The following SUPT5H variants were observed in gnomAD, a reference collection of about 807,000 sequenced individuals.
The protein encoded by SUPT5H is SPT5 homolog, DSIF elongation factor subunit, also known as transcription elongation factor SPT5.
Under a neutral mutation model 142.5 loss-of-function variants are expected in SUPT5H, and 24 were observed. That is an observed-to-expected ratio of 0.17 (90% CI 0.12 to 0.24). SUPT5H has a LOEUF of 0.24. Ranked by LOEUF, SUPT5H falls within the 10% of genes least tolerant of loss-of-function variation. SUPT5H has a pLI of 1.00. For synonymous variants in SUPT5H, 546 were observed against 553.0 expected (o/e 0.99, Z 0.18); for missense variants, 893 against 1,471.8 (o/e 0.61, Z 6.43).
At chr19:39,455,290 G>T (rs1238802343) in intron 3 of SUPT5H, among the ~76,000 whole-genome samples, 1 of 152,142 alleles carries the variant, frequency 6.6e-6, no homozygotes, top group Non-Finnish European at 1.5e-5. Flanking sequence ...GGCTGGGCGT[G>T]GTGGCTCATG....
chr19:39,472,385 G>A lies in SUPT5H; in HGVS notation c.1951-24G>A. On this transcript the variant is annotated intron_variant, in intron 20 of 29. Coordinates refer to ENST00000432763, the MANE Select transcript of SUPT5H (RefSeq NM_001111020.3). The surrounding 1 kb of genome is among the most constrained non-coding windows in gnomAD (Gnocchi z 4.2). ...TGGTTCCCCCATCCCCTGCCTGCCA[G>A]TTCACTCCTTGCTTCTATCCTAGCC... 1.9e-6 allele frequency: 3 copies of A among 1,612,850 alleles called. No homozygotes were observed. Among genetic ancestry groups the A allele is most frequent in the East Asian group, 2.2e-5 (1 of 44,866 alleles).
Position 39,469,916 on chromosome 19 carries a change from C to G in SUPT5H, c.1375-203C>G. ...AGGGCGGGCTGGGGTAAAGGTTGTC[C>G]AGGTTGGTGTCCTGTGTCTGGGGTC... On this transcript the variant is annotated intron_variant, in intron 16 of 29. Coordinates refer to ENST00000432763, the MANE Select transcript of SUPT5H (RefSeq NM_001111020.3). This position sits in a 1 kb window ranked among gnomAD's most constrained non-coding sequence, Gnocchi z 5.1. 1 of 617,400 alleles carries G rather than the reference C, an allele frequency of 1.6e-6. No individual in the cohort carries two copies. The highest frequency in any genetic ancestry group is 3.0e-5 in the East Asian group (1 of 33,086). 38.2% of individuals were successfully genotyped at this position (617,400 alleles called of 1,614,324 possible).
At chr19:39,467,048 A>G (rs10408198) in intron 13 of SUPT5H, 44,208 of 226,116 alleles carry the variant, frequency 0.2, 5,077 homozygotes, top group Middle Eastern at 0.33. Flanking sequence ...CTTTTAAAAT[A>G]ATAATAATAA....
Position 39,472,791 on chromosome 19 carries a change from C to T in SUPT5H, c.2036-19C>T. The T allele has an allele frequency of 6.2e-7, 1 of 1,606,222 alleles. No homozygotes were observed. Among genetic ancestry groups the T allele is most frequent in the Non-Finnish European group, 8.5e-7 (1 of 1,175,794 alleles). ...GGGCACAGCCGTGGGGGACCAGTGA[C>T]ATTCTCCCCAATCCCCAGGTCAGCG... is the stretch of plus-strand genomic sequence containing the variant. On this transcript the variant is annotated intron_variant, in intron 21 of 29. Coordinates refer to ENST00000432763, the MANE Select transcript of SUPT5H (RefSeq NM_001111020.3). This position sits in a 1 kb window ranked among gnomAD's most constrained non-coding sequence, Gnocchi z 4.2.
In SUPT5H at chr19:39,474,178, C is replaced by T. The variant is rs532950124; in HGVS notation, c.2652-56C>T. ...CCTGCCCAAACCCTCCTACTGCCACCACCTCTTTTCCCCTCCCTCCTCCAA... is the reference window on the plus strand; with the variant it reads ...CCTGCCCAAACCCTCCTACTGCCACTACCTCTTTTCCCCTCCCTCCTCCAA... On this transcript the variant is annotated intron_variant, in intron 26 of 29. Coordinates refer to ENST00000432763, the MANE Select transcript of SUPT5H (RefSeq NM_001111020.3). This position sits in a 1 kb window ranked among gnomAD's most constrained non-coding sequence, Gnocchi z 6.5. The T allele has an allele frequency of 6.2e-7, 1 of 1,611,758 alleles. No homozygotes were observed. Among genetic ancestry groups the T allele is most frequent in the East Asian group, 2.2e-5 (1 of 44,858 alleles).
At position 39,470,497 on chromosome 19, in the gene SUPT5H, G is replaced by A. The variant is rs771517231; in HGVS notation, c.1651G>A (p.Val551Met). 1.8e-5 allele frequency: 28 copies of A among 1,584,972 alleles called. No homozygotes were observed. The highest frequency in any genetic ancestry group is 3.5e-5 in the South Asian group (3 of 86,594). The change falls in exon 18 of 30, where the codon GTG becomes ATG. Residue 551 changes from valine to methionine, a missense_variant. Physicochemically the swap from Val to Met is conservative, Grantham distance 21 (BLOSUM62 1). Around this residue, in one of 6 missense-constraint regions of SUPT5H, gnomAD observed 428 missense variants for 763.5 expected, o/e 0.56. Coordinates refer to ENST00000432763, the MANE Select transcript of SUPT5H (RefSeq NM_001111020.3). The surrounding 1 kb of genome is among the most constrained non-coding windows in gnomAD (Gnocchi z 5.8). The part of the protein sequence containing the change: ...QLDPQTVGVI[V>M]RLERETFQVL... ...GGATCCCCAGACTGTGGGTGTCATC[G>A]TGCGACTAGAACGGGAGACCTTCCA...
At position 39,466,661 on chromosome 19, in the gene SUPT5H, C is replaced by T; in HGVS notation, c.967-14C>T. On this transcript the variant is annotated splice_polypyrimidine_tract_variant and intron_variant, in intron 12 of 29. Transcript: ENST00000432763. The surrounding 1 kb of genome is among the most constrained non-coding windows in gnomAD (Gnocchi z 4.3). ...CTCCCTCACCCTTCCCACCCATGCCCCTTTCCTCCATAGAAAGACTGGTTT... is the reference window on the plus strand; with the variant it reads ...CTCCCTCACCCTTCCCACCCATGCCTCTTTCCTCCATAGAAAGACTGGTTT... 1.2e-6 allele frequency: 2 copies of T among 1,614,170 alleles called. No individual in the cohort carries two copies. Among genetic ancestry groups the T allele is most frequent in the South Asian group, 1.1e-5 (1 of 91,088 alleles).
intron 4 of SUPT5H, 179 bp downstream of exon 4, chr19:39,457,919 A>AG: frequency 1.2e-6 from 1 of 810,848 alleles, no homozygotes; most frequent in South Asian, 1.4e-5. Flanking sequence ...TAGGCCCATG[A>AG]GTGGGGGGTG....
chr19:39,462,742 G>C (rs1257371214), intron 10 of SUPT5H, among the ~76,000 whole-genome samples: 1 of 151,442 alleles, frequency 6.6e-6, no homozygotes, highest in African/African-American at 2.4e-5. Context: ...TGTTGGCCAG[G>C]CTGGTCTCGA....
At chr19:39,460,088 G>A in intron 10 of SUPT5H, 128 bp downstream of exon 10, 1 of 887,350 alleles carries the variant, frequency 1.1e-6, no homozygotes, top group Non-Finnish European at 1.8e-6. Flanking sequence ...AGCTGCTTGA[G>A]CTGGAATAAG....
In SUPT5H at chr19:39,459,811, C is replaced by A. The variant is rs962589717; in HGVS notation, c.556-81C>A. 1.1e-5 allele frequency: 17 copies of A among 1,493,416 alleles called. No individual in the cohort carries two copies. In the Admixed American group the frequency reaches 2.0e-4, roughly 18 times the overall value. 92.5% of individuals were successfully genotyped at this position (1,493,416 alleles called of 1,614,324 possible). A position where few individuals can be genotyped will look rare whatever the true frequency, so the allele number is the denominator to read the frequency against. ...CCTCTCTTGGTCCTACTTTATTTTT[C>A]TTGCTGCTGTCTCCTTCCCCCTTTC... On this transcript the variant is annotated intron_variant, in intron 9 of 29. Coordinates refer to ENST00000432763, the MANE Select transcript of SUPT5H (RefSeq NM_001111020.3).
At chr19:39,459,996 A>T in intron 10 of SUPT5H, 36 bp downstream of exon 10, 1 of 1,605,060 alleles carries the variant, frequency 6.2e-7, no homozygotes. Context: ...GTGGGGAGAC[A>T]TGGCAACACC....
chr19:39,476,531 G>C lies in SUPT5H; in HGVS notation c.*132G>C. The stretch of plus-strand genomic sequence containing the variant: ...GGATTTCCTTTTGTTTTTCCTTTTA[G>C]TTTTCCATCTTTTCCCTCCCTGGTG... On this transcript the variant is annotated 3_prime_UTR_variant, in exon 30 of 30. Transcript: ENST00000432763. 2.4e-6 allele frequency: 3 copies of C among 1,266,118 alleles called. No individual in the cohort carries two copies. The highest frequency in any genetic ancestry group is 5.0e-5 in the East Asian group (2 of 40,350). The allele number at this position is 1,266,118 out of a possible 1,614,324, so 78.4% of individuals were successfully genotyped here. A position where few individuals can be genotyped will look rare whatever the true frequency, so the allele number is the denominator to read the frequency against.
chr19:39,459,553 G>A lies in SUPT5H; in HGVS notation c.525-6G>A, dbSNP rs2079134466. ...CTGAAGGCCTTCCTTTTCCTCTGCTGCTTAGGGATCCCAATCTGTGGACTG... is the reference window on the plus strand; with the variant it reads ...CTGAAGGCCTTCCTTTTCCTCTGCTACTTAGGGATCCCAATCTGTGGACTG... On this transcript the variant is annotated splice_polypyrimidine_tract_variant and splice_region_variant and intron_variant, in intron 8 of 29. Transcript: ENST00000432763. The A allele has an allele frequency of 1.2e-6, 2 of 1,613,942 alleles. No individual in the cohort carries two copies. Among genetic ancestry groups the A allele is most frequent in the Non-Finnish European group, 1.7e-6 (2 of 1,179,938 alleles).
Position 39,469,548 on chromosome 19 carries a change from C to G in SUPT5H, c.1374+150C>G. 3.5e-6 allele frequency: 4 copies of G among 1,153,728 alleles called. No individual in the cohort carries two copies. The highest frequency in any genetic ancestry group is 2.6e-5 in the East Asian group (1 of 38,928). 71.5% of individuals were successfully genotyped at this position (1,153,728 alleles called of 1,614,324 possible). On this transcript the variant is annotated intron_variant, in intron 16 of 29. Coordinates refer to ENST00000432763, the MANE Select transcript of SUPT5H (RefSeq NM_001111020.3). The surrounding 1 kb of genome is among the most constrained non-coding windows in gnomAD (Gnocchi z 5.1). ...AGCATTCTCAGGTGCCTGAGAGGCT[C>G]TGTCTGAGTGCAGCTCAGGGTCGGT... is the stretch of plus-strand genomic sequence containing the variant.
chr19:39,448,174 C>A (rs1451183703), intron 2 of SUPT5H, among the ~76,000 whole-genome samples: 1 of 152,170 alleles, frequency 6.6e-6, no homozygotes, highest in African/African-American at 2.4e-5. Context: ...GAAAAGATTT[C>A]ATGTGGCTGT....
chr19:39,459,507 G>A, intron 8 of SUPT5H, 52 bp from the exon 9 acceptor site: 1 of 1,610,210 alleles, frequency 6.2e-7, no homozygotes, highest in Non-Finnish European at 8.5e-7. Flanking sequence ...TCGTCTGTTT[G>A]TTACTGAAGA....
chr19:39,446,293 C>T (rs763608020), intron 2 of SUPT5H, among the ~76,000 whole-genome samples: 4 of 151,816 alleles, frequency 2.6e-5, no homozygotes, highest in Non-Finnish European at 4.4e-5. Flanking sequence ...ATGTACCAGG[C>T]GCAATTCTTT....
At chr19:39,475,044 G>C (rs1430728086) in intron 28 of SUPT5H, 1 of 397,396 alleles carries the variant, frequency 2.5e-6, no homozygotes, top group Admixed American at 4.1e-5. Flanking sequence ...GGGGAACCTG[G>C]GCACATTCCA....
Sources: allele counts gnomAD v4.1 joint callset (sites outside exome capture counted in the v4.1 genomes callset), GRCh38; gene constraint gnomAD v4.1.1; regional missense constraint gnomAD v4.1.1; non-coding constraint Gnocchi (gnomAD v3.1); transcripts MANE v1.5; gene names NCBI Gene and HGNC (gene_info 2026-07-23, HGNC 2026-07-21).